The following PLXNA4 variants were observed in gnomAD, a reference collection of about 807,000 sequenced individuals.
The protein encoded by PLXNA4 is plexin-A4.
Under a neutral mutation model 191.8 loss-of-function variants are expected in PLXNA4, and 44 were observed. The ratio of observed to expected loss-of-function variants is 0.23; its 90% CI spans 0.18 to 0.29. The LOEUF (loss-of-function observed/expected upper bound fraction) is 0.29. Ranked by LOEUF, PLXNA4 falls within the 10% of genes least tolerant of loss-of-function variation. The pLI is 1.00. For missense variants in PLXNA4, 1,800 were observed against 2,488.8 expected (o/e 0.72, Z 5.89); for synonymous variants, 1,082 against 1,009.5 (o/e 1.07, Z -1.36).
chr7:132,285,795 G>C (rs1800660757), intron 4 of PLXNA4, among the ~76,000 whole-genome samples: 2 of 152,192 alleles, frequency 1.3e-5, no homozygotes, highest in African/African-American at 2.4e-5. Flanking sequence ...AAGTCAATCA[G>C]TGCTCATGGA....
intron 4 of PLXNA4, among the ~76,000 whole-genome samples, chr7:132,287,085 G>A (rs1383753360): frequency 6.6e-6 from 1 of 152,020 alleles, no homozygotes; most frequent in Non-Finnish European, 1.5e-5. Flanking sequence ...CCTAAGCCGG[G>A]GTGAAGTGGC....
Position 132,133,198 on chromosome 7 carries a change from A to G in PLXNA4, c.5440T>C (p.Tyr1814His). The G allele has an allele frequency of 6.2e-7, 1 of 1,613,866 alleles. No homozygotes were observed. Among genetic ancestry groups the G allele is most frequent in the Non-Finnish European group, 8.5e-7 (1 of 1,179,906 alleles). The change falls in exon 31 of 32, where the codon TAT becomes CAT. Residue 1814 changes from tyrosine to histidine, a missense_variant and splice_region_variant. By Grantham distance (83) the Tyr-to-His change is moderately conservative. Transcript: ENST00000321063. Reference sequence around the variant, plus strand: ...GGCATCTTCCCTATGTCTGAGTAATACCTGTGGAGGGATGGAAATAGGGAG... The same window carrying G: ...GGCATCTTCCCTATGTCTGAGTAATGCCTGTGGAGGGATGGAAATAGGGAG... ...IPSYKNWVERYYSDIGKMPAI... is the reference protein window; with the variant it reads ...IPSYKNWVERHYSDIGKMPAI...
Position 132,180,630 on chromosome 7 carries a change from G to T in PLXNA4, c.3595C>A (p.Leu1199Met). 6.2e-7 allele frequency: 1 copy of T among 1,614,192 alleles called. No individual in the cohort carries two copies. Residue 1199 changes from leucine (L) to methionine (M), a missense_variant, in exon 19 of 32, where the codon CTG (leucine) becomes ATG (methionine). Around this residue, in one of 6 missense-constraint regions of PLXNA4, gnomAD observed 1,397 missense variants for 1,880.4 expected, o/e 0.74. Transcript: ENST00000321063. ...ATGAGGTTGGGGGACTCGCAGAGCAGCTGGACATCTGACACGGTCACGGTG... is the reference window on the plus strand; with the variant it reads ...ATGAGGTTGGGGGACTCGCAGAGCATCTGGACATCTGACACGGTCACGGTG... ...PCTVTVSDVQLLCESPNLIGR... is the reference protein window; with the variant it reads ...PCTVTVSDVQMLCESPNLIGR...
chr7:132,344,537 G>C (rs896773552), intron 3 of PLXNA4, among the ~76,000 whole-genome samples: 6 of 151,990 alleles, frequency 3.9e-5, no homozygotes, highest in Admixed American at 3.3e-4. Flanking sequence ...GTCACTACCA[G>C]CCCCTGTCCA....
chr7:132,274,692 CA>C (rs1800205122), intron 4 of PLXNA4, among the ~76,000 whole-genome samples: 1 of 150,140 alleles, frequency 6.7e-6, no homozygotes, highest in Non-Finnish European at 1.5e-5. Flanking sequence ...CTGAGGTTTT[CA>C]CATGATTAGA....
At chr7:132,277,536 A>G (rs1699348070) in intron 4 of PLXNA4, among the ~76,000 whole-genome samples, 1 of 152,194 alleles carries the variant, frequency 6.6e-6, no homozygotes, top group South Asian at 2.1e-4. Context: ...GATGAGTCCT[A>G]CGGTGTCCTG....
intron 3 of PLXNA4, among the ~76,000 whole-genome samples, chr7:132,458,513 G>A (rs1287455307): frequency 1.3e-5 from 2 of 151,760 alleles, no homozygotes; most frequent in African/African-American, 4.8e-5. Context: ...TGCATAGAGT[G>A]AGCTGGGTAT....
rs575884323 is a variant in PLXNA4, at chr7:132,126,249, G to C, written c.*4230C>G. Reference sequence around the variant, plus strand: ...GGGAAGTCATTGCTTGTGGATCCTCGGATGGGGACCCATAGGGCCTTGGCT... The same window carrying C: ...GGGAAGTCATTGCTTGTGGATCCTCCGATGGGGACCCATAGGGCCTTGGCT... On this transcript the variant is annotated 3_prime_UTR_variant, in exon 32 of 32. Coordinates refer to ENST00000321063, the MANE Select transcript of PLXNA4 (RefSeq NM_020911.2). 2 of 152,458 alleles carry C rather than the reference G, an allele frequency of 1.3e-5. No individual in the cohort carries two copies. The highest frequency in any genetic ancestry group is 2.9e-5 in the Non-Finnish European group (2 of 68,252). 9.4% of individuals were successfully genotyped at this position (152,458 alleles called of 1,614,324 possible).
intron 4 of PLXNA4, among the ~76,000 whole-genome samples, chr7:132,269,920 A>G (rs1800000567): frequency 1.3e-5 from 2 of 152,126 alleles, no homozygotes; most frequent in Admixed American, 1.3e-4. Flanking sequence ...ATGGGAAGTC[A>G]GTGCTGAGGC....
At chr7:132,496,837 G>A (rs1278566985) in intron 2 of PLXNA4, among the ~76,000 whole-genome samples, 3 of 152,122 alleles carry the variant, frequency 2.0e-5, no homozygotes, top group Admixed American at 2.0e-4. Context: ...CAGCACCAGG[G>A]ATGAGTGCTC....
chr7:132,453,830 G>A (rs1318333362), intron 3 of PLXNA4, among the ~76,000 whole-genome samples: 3 of 152,128 alleles, frequency 2.0e-5, no homozygotes, highest in East Asian at 1.9e-4. Flanking sequence ...GTGAGCCACC[G>A]CGCCCAGCCA....
intron 2 of PLXNA4, among the ~76,000 whole-genome samples, chr7:132,598,938 C>T (rs1292309804): frequency 6.6e-6 from 1 of 152,164 alleles, no homozygotes; most frequent in Admixed American, 6.5e-5. Flanking sequence ...GTCTCTAGGT[C>T]ACCTTTATAT....
chr7:132,554,239 A>G (rs1413498013), intron 1 of PLXNA4, among the ~76,000 whole-genome samples: 3 of 152,148 alleles, frequency 2.0e-5, no homozygotes, highest in Non-Finnish European at 4.4e-5. Flanking sequence ...AGAGTAGAGG[A>G]TGGCAGTGAC....
At chr7:132,263,959 G>A (rs1264091561) in intron 4 of PLXNA4, among the ~76,000 whole-genome samples, 1 of 152,178 alleles carries the variant, frequency 6.6e-6, no homozygotes, top group Admixed American at 6.5e-5. Flanking sequence ...TTTCTAGGGT[G>A]CATAAATGAT....
At chr7:132,583,906 C>T (rs773796929) in intron 2 of PLXNA4, among the ~76,000 whole-genome samples, 1 of 152,190 alleles carries the variant, frequency 6.6e-6, no homozygotes, top group Non-Finnish European at 1.5e-5. Context: ...TTGGGGAGGG[C>T]CAATCGTGCC....
intron 2 of PLXNA4, among the ~76,000 whole-genome samples, chr7:132,502,442 G>A (rs902488228): frequency 9.9e-5 from 15 of 152,206 alleles, no homozygotes; most frequent in African/African-American, 3.6e-4. Context: ...CCAGAGTCAG[G>A]TGGGAGCTGG....
intron 4 of PLXNA4, among the ~76,000 whole-genome samples, chr7:132,276,447 C>T (rs546631421): frequency 2.0e-5 from 3 of 152,270 alleles, no homozygotes; most frequent in Admixed American, 2.0e-4. Context: ...ATGACCCCCC[C>T]TTTCCCACCC....
At chr7:132,351,351 A>C (rs539383118) in intron 3 of PLXNA4, among the ~76,000 whole-genome samples, 13 of 152,342 alleles carry the variant, frequency 8.5e-5, no homozygotes, top group African/African-American at 2.6e-4. Context: ...CTTTAAATTC[A>C]AAAACTCTGC....
chr7:132,255,620 T>C (rs950407482), intron 4 of PLXNA4, among the ~76,000 whole-genome samples: 2 of 152,320 alleles, frequency 1.3e-5, no homozygotes, highest in East Asian at 1.9e-4. Flanking sequence ...GAGTCAGAAC[T>C]GAAGAGAACT....
Sources: gnomAD v4.1 joint callset for allele counts (sites outside exome capture counted in the v4.1 genomes callset) on GRCh38, gnomAD v4.1.1 for gene constraint, gnomAD v4.1.1 regional missense constraint, MANE v1.5 for transcripts, NCBI Gene and HGNC (gene_info 2026-07-23, HGNC 2026-07-21) for gene names.